ELMO1: variants seen among roughly 807,000 people sequenced by gnomAD.
The protein encoded by ELMO1 is engulfment and cell motility protein 1.
ELMO1 carries 26 observed loss-of-function variants against 98.9 expected under a neutral mutation model. The observed-to-expected ratio is 0.26, with a 90% CI of 0.19 to 0.36. The LOEUF (loss-of-function observed/expected upper bound fraction) is 0.36, where lower values mean the gene tolerates loss of function less well. Ranked by LOEUF, ELMO1 falls within the 10% of genes least tolerant of loss-of-function variation. The probability of loss-of-function intolerance (pLI) is 1.00; values close to 1 mark genes in which losing one functional copy is unlikely to be tolerated. For missense variants in ELMO1, 627 were observed against 935.2 expected, an observed-to-expected ratio of 0.67 and a Z score of 4.30; for synonymous variants, 346 against 346.0, an observed-to-expected ratio of 1.00 and a Z score of 0.00.
At chr7:37,174,252 C>T (rs1563056179) in intron 13 of ELMO1, among the ~76,000 whole-genome samples, 3 of 152,166 alleles carry the variant, frequency 2.0e-5, no homozygotes, top group Admixed American at 2.0e-4. Context: ...TTTTGTTAAT[C>T]ACTACACAAC....
intron 15 of ELMO1, among the ~76,000 whole-genome samples, chr7:37,052,771 G>T (rs1233218001): frequency 6.6e-6 from 1 of 152,218 alleles, no homozygotes; most frequent in Non-Finnish European, 1.5e-5. Context: ...GGCAAGAGGT[G>T]CAACCTGAAT....
intron 5 of ELMO1, among the ~76,000 whole-genome samples, chr7:37,264,507 T>C (rs2130818501): frequency 6.6e-6 from 1 of 152,274 alleles, no homozygotes; most frequent in East Asian, 1.9e-4. Context: ...TTTTTATATT[T>C]GGGAGGAAAG....
intron 16 of ELMO1, among the ~76,000 whole-genome samples, chr7:36,975,017 C>G (rs1790404099): frequency 6.6e-6 from 1 of 152,188 alleles, no homozygotes; most frequent in African/African-American, 2.4e-5. Context: ...TCCAGACGCG[C>G]CACCTTAAGA....
chr7:37,435,380 C>T (rs376551985), intron 1 of ELMO1, among the ~76,000 whole-genome samples: 1 of 152,208 alleles, frequency 6.6e-6, no homozygotes, highest in Non-Finnish European at 1.5e-5. Flanking sequence ...GTGGTTTCCA[C>T]CCCCTGCATA....
intron 15 of ELMO1, among the ~76,000 whole-genome samples, chr7:37,043,130 G>A (rs956768624): frequency 6.6e-6 from 1 of 152,160 alleles, no homozygotes; most frequent in African/African-American, 2.4e-5. Context: ...CGCAGACAAT[G>A]CCGGGAGCCT....
Position 37,256,543 on chromosome 7 carries a change from GAAGGAAGA to G in ELMO1, c.413+2630_413+2637del, listed in dbSNP as rs1472622715. ...AGGAGGAAGGAAGGAAGGAAGGAAA[GAAGGAAGA>G]AAGGAAGGAAGGAAGGAAGGAAGGA... On this transcript the variant is annotated intron_variant, in intron 6 of 21. Coordinates refer to ENST00000310758, the MANE Select transcript of ELMO1 (RefSeq NM_014800.11). Among the ~76,000 whole-genome samples, 23 of 104,566 alleles carry G rather than the reference GAAGGAAGA, an allele frequency of 2.2e-4. No homozygotes were observed. In the East Asian group the frequency reaches 5.3e-3, roughly 24 times the overall value. 68.6% of individuals were successfully genotyped at this position (104,566 alleles called of 152,430 possible). A position where few individuals can be genotyped will look rare whatever the true frequency, so the allele number is the denominator to read the frequency against.
chr7:37,324,883 G>A (rs962694005), intron 2 of ELMO1, among the ~76,000 whole-genome samples: 14 of 152,310 alleles, frequency 9.2e-5, no homozygotes, highest in African/African-American at 3.4e-4. Flanking sequence ...GGCCATCAAT[G>A]ACTTTAGAGG....
intron 15 of ELMO1, among the ~76,000 whole-genome samples, chr7:37,018,128 A>ATTT (rs34247625): frequency 0.081 from 11,728 of 144,890 alleles, 984 homozygotes; most frequent in African/African-American, 0.21. Flanking sequence ...ATTAGTTACT[A>ATTT]TTTTTTTTTT....
At chr7:37,019,774 C>T (rs148346344) in intron 15 of ELMO1, among the ~76,000 whole-genome samples, 9 of 152,234 alleles carry the variant, frequency 5.9e-5, no homozygotes, top group African/African-American at 2.2e-4. Context: ...ATTTTTAACA[C>T]AATGAGATTT....
Position 36,854,311 on chromosome 7 carries a change from A to T in ELMO1, c.*1240T>A, listed in dbSNP as rs1421995247. ...AACAAGCTCCCAGGTGATGCTGATG[A>T]CTGAGTAGCAAGAACCTAAGTTACT... is the stretch of plus-strand genomic sequence containing the variant. On this transcript the variant is annotated 3_prime_UTR_variant, in exon 22 of 22. Transcript: ENST00000310758. 6.6e-6 allele frequency: 1 copy of T among 152,234 alleles called. No individual in the cohort carries two copies. The highest frequency in any genetic ancestry group is 2.4e-5 in the African/African-American group (1 of 41,438). 9.4% of individuals were successfully genotyped at this position (152,234 alleles called of 1,614,324 possible). A position where few individuals can be genotyped will look rare whatever the true frequency, so the allele number is the denominator to read the frequency against.
intron 1 of ELMO1, among the ~76,000 whole-genome samples, chr7:37,358,794 AC>A (rs1280027201): frequency 6.6e-6 from 1 of 152,194 alleles, no homozygotes; most frequent in African/African-American, 2.4e-5. Context: ...AAGCCCGGGC[AC>A]AAGCTGACCA....
intron 14 of ELMO1, among the ~76,000 whole-genome samples, chr7:37,117,720 G>A (rs1008333371): frequency 1.3e-5 from 2 of 152,236 alleles, no homozygotes; most frequent in East Asian, 3.9e-4. Context: ...TCCAAGCTGT[G>A]GACCTTGGTT....
intron 13 of ELMO1, among the ~76,000 whole-genome samples, chr7:37,176,303 C>T (rs1021133086): frequency 1.3e-5 from 2 of 152,156 alleles, no homozygotes; most frequent in Admixed American, 1.3e-4. Flanking sequence ...CTTATTGTCA[C>T]CTCCTCCCTA....
intron 16 of ELMO1, among the ~76,000 whole-genome samples, chr7:36,903,201 C>T (rs970440267): frequency 2.0e-5 from 3 of 152,176 alleles, no homozygotes; most frequent in Non-Finnish European, 4.4e-5. Context: ...TCATTCCTGC[C>T]CTTCCTCCTA....
intron 16 of ELMO1, among the ~76,000 whole-genome samples, chr7:36,999,708 T>C (rs1220593868): frequency 6.6e-6 from 1 of 152,182 alleles, no homozygotes; most frequent in Admixed American, 6.5e-5. Flanking sequence ...CCATTTGAAA[T>C]TGCTGTATTT....
At chr7:37,005,128 A>AG (rs1562890654) in intron 16 of ELMO1, among the ~76,000 whole-genome samples, 1 of 150,606 alleles carries the variant, frequency 6.6e-6, no homozygotes, top group African/African-American at 2.4e-5. Flanking sequence ...AAAAAAAAAA[A>AG]AAAAGAAAAA....
chr7:36,962,525 T>A (rs976560095), intron 16 of ELMO1, among the ~76,000 whole-genome samples: 1 of 152,166 alleles, frequency 6.6e-6, no homozygotes, highest in Non-Finnish European at 1.5e-5. Context: ...GGGAAGAAGG[T>A]AAGCATGAGA....
At chr7:37,374,594 A>G (rs908816843) in intron 1 of ELMO1, among the ~76,000 whole-genome samples, 2 of 151,936 alleles carry the variant, frequency 1.3e-5, no homozygotes, top group Non-Finnish European at 2.9e-5. Flanking sequence ...TACTAAAAAT[A>G]CAAAAAATTA....
chr7:37,182,502 G>C (rs1790940331), intron 13 of ELMO1, among the ~76,000 whole-genome samples: 1 of 114,710 alleles, frequency 8.7e-6, no homozygotes, highest in African/African-American at 3.5e-5. Context: ...ACGGAGTCTC[G>C]CTTGGTTGCC....
Sources: allele counts gnomAD v4.1 joint callset (sites outside exome capture counted in the v4.1 genomes callset), GRCh38; gene constraint gnomAD v4.1.1; transcripts MANE v1.5; gene names NCBI Gene and HGNC (gene_info 2026-07-23, HGNC 2026-07-21).